The following ATP10B variants were observed in gnomAD, a reference collection of about 807,000 sequenced individuals.
ATP10B encodes ATPase phospholipid transporting 10B (putative).
A neutral mutation model predicts 141.2 loss-of-function variants in ATP10B; 122 were observed. The ratio of observed to expected loss-of-function variants is 0.86; its 90% confidence interval spans 0.75 to 1.00. The LOEUF (loss-of-function observed/expected upper bound fraction) is 1.00. ATP10B is among the 50% of genes least tolerant of loss of function. ATP10B has a pLI of 0.00. For missense variants in ATP10B, 1,876 were observed against 1,825.3 expected (o/e 1.03, Z -0.51); for synonymous variants, 685 against 692.0 (o/e 0.99, Z 0.16).
intron 3 of ATP10B, among the ~76,000 whole-genome samples, chr5:160,716,525 G>C (rs1765670283): frequency 6.6e-6 from 1 of 152,128 alleles, no homozygotes; most frequent in Non-Finnish European, 1.5e-5. Context: ...CACTATGCTT[G>C]CCTCATAAAA....
intron 25 of ATP10B, among the ~76,000 whole-genome samples, chr5:160,567,295 C>T (rs2127592336): frequency 6.6e-6 from 1 of 152,266 alleles, no homozygotes; most frequent in African/African-American, 2.4e-5. Context: ...GAGTGTCGAA[C>T]ATCAAACACC....
At chr5:160,810,561 T>C (rs1773085852) in intron 1 of ATP10B, among the ~76,000 whole-genome samples, 1 of 152,214 alleles carries the variant, frequency 6.6e-6, no homozygotes, top group Admixed American at 6.5e-5. Flanking sequence ...GTGGGTTCTC[T>C]GTGTGTCCAT....
intron 2 of ATP10B, among the ~76,000 whole-genome samples, chr5:160,747,064 G>T (rs943169508): frequency 6.6e-6 from 1 of 152,170 alleles, no homozygotes; most frequent in Non-Finnish European, 1.5e-5. Flanking sequence ...CTGGATTCTT[G>T]GCTTCTCATT....
intron 6 of ATP10B, among the ~76,000 whole-genome samples, chr5:160,676,570 T>G (rs1581334462): frequency 6.6e-6 from 1 of 152,222 alleles, no homozygotes. Context: ...TATTTCTATA[T>G]GCACATAGGG....
chr5:160,921,151 T>G, the ATP10B span, among the ~76,000 whole-genome samples: 1 of 152,210 alleles, frequency 6.6e-6, no homozygotes, highest in Admixed American at 6.5e-5. Flanking sequence ...ATATTGTCAT[T>G]CTTCCTCTAC....
chr5:160,679,469 A>G (rs897718835), intron 6 of ATP10B, among the ~76,000 whole-genome samples: 1 of 152,228 alleles, frequency 6.6e-6, no homozygotes, highest in African/African-American at 2.4e-5. Flanking sequence ...GCCTGGCTAA[A>G]TGTTGCTCCT....
intron 1 of ATP10B, among the ~76,000 whole-genome samples, chr5:160,794,843 G>A (rs1417102287): frequency 6.6e-6 from 1 of 152,078 alleles, no homozygotes; most frequent in African/African-American, 2.4e-5. Flanking sequence ...ATAGCACAAT[G>A]TTTATTTCAT....
chr5:160,914,084 T>G, the ATP10B span, among the ~76,000 whole-genome samples: 4,883 of 152,346 alleles, frequency 0.032, 135 homozygotes, highest in East Asian at 0.14. Flanking sequence ...CAGGGTAGAT[T>G]GCAAAGTAGT....
intron 9 of ATP10B, among the ~76,000 whole-genome samples, chr5:160,641,560 A>G (rs561665916): frequency 6.6e-6 from 1 of 152,348 alleles, no homozygotes; most frequent in Non-Finnish European, 1.5e-5. Context: ...AGTCAATGTC[A>G]GAGTCACATT....
chr5:160,649,397 C>A, intron 7 of ATP10B, 141 bp from the exon 8 acceptor site: 2 of 620,514 alleles, frequency 3.2e-6, no homozygotes, highest in Non-Finnish European at 5.5e-6. Flanking sequence ...TGTAATGTGT[C>A]AGAAAAAAAA....
At chr5:160,865,880 C>T in the ATP10B span, among the ~76,000 whole-genome samples, 894 of 152,180 alleles carry the variant, frequency 5.9e-3, 12 homozygotes, top group African/African-American at 0.02. Context: ...TTTACTCCTG[C>T]ACAAATGGCC....
At chr5:160,689,183 C>T (rs1343312802) in intron 3 of ATP10B, among the ~76,000 whole-genome samples, 1 of 152,222 alleles carries the variant, frequency 6.6e-6, no homozygotes, top group Non-Finnish European at 1.5e-5. Context: ...CAACACCCTT[C>T]ATGCTAAAAA....
chr5:160,625,960 A>G (rs1043984435), intron 13 of ATP10B, among the ~76,000 whole-genome samples: 1 of 152,236 alleles, frequency 6.6e-6, no homozygotes, highest in Non-Finnish European at 1.5e-5. Flanking sequence ...GCCCTGGCTC[A>G]TCCTGCAGGT....
At chr5:160,733,997 A>G (rs1581434598) in intron 2 of ATP10B, among the ~76,000 whole-genome samples, 1 of 149,300 alleles carries the variant, frequency 6.7e-6, no homozygotes, top group Middle Eastern at 3.5e-3. Flanking sequence ...AGTCCCAGCT[A>G]TTCAGGAGGC....
intron 24 of ATP10B, among the ~76,000 whole-genome samples, chr5:160,573,544 G>A (rs891415372): frequency 6.6e-6 from 1 of 152,190 alleles, no homozygotes; most frequent in Non-Finnish European, 1.5e-5. Context: ...TGGTGAGTGA[G>A]CATTACTGCC....
intron 1 of ATP10B, among the ~76,000 whole-genome samples, chr5:160,802,155 G>A (rs4585498): frequency 3.3e-5 from 5 of 151,808 alleles, no homozygotes; most frequent in Non-Finnish European, 7.4e-5. Context: ...CATTAGGTGC[G>A]GAGAAACAAT....
At chr5:160,693,127 T>C (rs1764164490) in intron 3 of ATP10B, among the ~76,000 whole-genome samples, 2 of 152,120 alleles carry the variant, frequency 1.3e-5, no homozygotes, top group South Asian at 4.1e-4. Flanking sequence ...AAAATAATTG[T>C]TTATGATTAA....
intron 3 of ATP10B, among the ~76,000 whole-genome samples, chr5:160,715,785 C>T (rs1358577896): frequency 6.6e-6 from 1 of 151,636 alleles, no homozygotes; most frequent in African/African-American, 2.4e-5. Context: ...GGTTTCGGCT[C>T]ACTGCAACCT....
At chr5:160,859,527 C>G in the ATP10B span, among the ~76,000 whole-genome samples, 1 of 151,658 alleles carries the variant, frequency 6.6e-6, no homozygotes, top group Admixed American at 6.6e-5. Flanking sequence ...TTCAAATGTC[C>G]TTTAAATTTT....
Sources: allele counts gnomAD v4.1 joint callset (sites outside exome capture counted in the v4.1 genomes callset), GRCh38; gene constraint gnomAD v4.1.1; transcripts MANE v1.5; gene names NCBI Gene and HGNC (gene_info 2026-07-23, HGNC 2026-07-21).